Variants in ST6GALNAC3 observed in about 807,000 individuals in gnomAD.
The protein encoded by ST6GALNAC3 is ST6 N-acetylgalactosaminide alpha-2,6-sialyltransferase 3.
A neutral mutation model predicts 32.7 loss-of-function variants in ST6GALNAC3; 25 were observed. The observed-to-expected ratio is 0.76, with a 90% CI of 0.56 to 1.07. The LOEUF is 1.07. Among genes scored for constraint, ST6GALNAC3 ranks in the 50% least tolerant of loss-of-function variants. ST6GALNAC3 has a pLI of 0.00. For synonymous variants in ST6GALNAC3, 129 were observed against 133.1 expected (o/e 0.97, Z 0.21); for missense variants, 355 against 382.4 (o/e 0.93, Z 0.60).
chr1:76,578,114 G>T (rs890748318), intron 3 of ST6GALNAC3, among the ~76,000 whole-genome samples: 1 of 152,026 alleles, frequency 6.6e-6, no homozygotes, highest in African/African-American at 2.4e-5. Context: ...GTGGAAATTA[G>T]AATATCCATT....
At chr1:76,513,350 A>T (rs114284926) in intron 3 of ST6GALNAC3, among the ~76,000 whole-genome samples, 4,275 of 152,152 alleles carry the variant, frequency 0.028, 96 homozygotes, top group Admixed American at 0.068. Context: ...CTGCTCGTGG[A>T]TATCCTATTT....
At chr1:76,119,881 G>A (rs1286135552) in intron 1 of ST6GALNAC3, among the ~76,000 whole-genome samples, 2 of 115,472 alleles carry the variant, frequency 1.7e-5, no homozygotes, top group African/African-American at 6.4e-5. Context: ...CAGGTCCGTG[G>A]GACTGTAAAG....
intron 1 of ST6GALNAC3, among the ~76,000 whole-genome samples, chr1:76,153,633 T>A (rs764577679): frequency 6.6e-6 from 1 of 152,158 alleles, no homozygotes; most frequent in Non-Finnish European, 1.5e-5. Context: ...TCACCTCAGA[T>A]TTTTCTGTGT....
At chr1:76,101,778 A>G (rs1055008590) in intron 1 of ST6GALNAC3, among the ~76,000 whole-genome samples, 3 of 152,090 alleles carry the variant, frequency 2.0e-5, no homozygotes, top group Admixed American at 6.6e-5. Flanking sequence ...TCTAATTTCT[A>G]CCAGGGATTT....
At chr1:76,258,654 C>A (rs535038751) in intron 1 of ST6GALNAC3, among the ~76,000 whole-genome samples, 2 of 152,166 alleles carry the variant, frequency 1.3e-5, no homozygotes, top group Admixed American at 1.3e-4. Context: ...CTTTTGAGTT[C>A]CTACTATATA....
intron 1 of ST6GALNAC3, among the ~76,000 whole-genome samples, chr1:76,258,921 T>C (rs1024431561): frequency 3.3e-5 from 5 of 152,188 alleles, no homozygotes; most frequent in African/African-American, 1.2e-4. Flanking sequence ...ACATTTACAT[T>C]GTCCAAAATT....
chr1:76,439,173 TA>T (rs1340489404), intron 3 of ST6GALNAC3, among the ~76,000 whole-genome samples: 1 of 152,204 alleles, frequency 6.6e-6, no homozygotes, highest in African/African-American at 2.4e-5. Context: ...ACTCTCTACC[TA>T]AACTGTTGTC....
At chr1:76,172,345 A>G (rs1652572651) in intron 1 of ST6GALNAC3, among the ~76,000 whole-genome samples, 1 of 152,196 alleles carries the variant, frequency 6.6e-6, no homozygotes, top group Admixed American at 6.5e-5. Context: ...TCTCAAAATA[A>G]TAAGAGCTAT....
At chr1:76,124,773 T>A (rs1253147669) in intron 1 of ST6GALNAC3, among the ~76,000 whole-genome samples, 1 of 152,166 alleles carries the variant, frequency 6.6e-6, no homozygotes, top group Non-Finnish European at 1.5e-5. Flanking sequence ...ATTGTTGAAA[T>A]AAAACTTGGG....
chr1:76,609,459 A>G (rs907391227), intron 3 of ST6GALNAC3, among the ~76,000 whole-genome samples: 2 of 152,146 alleles, frequency 1.3e-5, no homozygotes, highest in Non-Finnish European at 2.9e-5. Context: ...TGGAGTGGAT[A>G]TTGCATTTTG....
intron 3 of ST6GALNAC3, among the ~76,000 whole-genome samples, chr1:76,585,862 A>G (rs1186532687): frequency 1.3e-5 from 2 of 152,136 alleles, no homozygotes; most frequent in African/African-American, 4.8e-5. Context: ...TATGCATCTC[A>G]AAGTCTGTGG....
chr1:76,083,073 C>G (rs1144343), intron 1 of ST6GALNAC3, among the ~76,000 whole-genome samples: 91,416 of 152,054 alleles, frequency 0.6, 28,086 homozygotes, highest in Middle Eastern at 0.7. Flanking sequence ...GCATTTACTA[C>G]ACACGAAGTA....
At chr1:76,609,041 T>G (rs1647750243) in intron 3 of ST6GALNAC3, among the ~76,000 whole-genome samples, 2 of 152,268 alleles carry the variant, frequency 1.3e-5, no homozygotes, top group South Asian at 2.1e-4. Context: ...TAAGAGAAAA[T>G]TATTAGTTTT....
chr1:76,447,518 G>A (rs1393514481), intron 3 of ST6GALNAC3, among the ~76,000 whole-genome samples: 1 of 152,152 alleles, frequency 6.6e-6, no homozygotes, highest in Non-Finnish European at 1.5e-5. Flanking sequence ...CCAAGACAAT[G>A]GGAAAATGTC....
In ST6GALNAC3 at chr1:76,262,636, G is replaced by A. The variant is rs140290088; in HGVS notation, c.19-51169G>A. On this transcript the variant is annotated intron_variant, in intron 1 of 4. Coordinates refer to ENST00000328299, the MANE Select transcript of ST6GALNAC3 (RefSeq NM_152996.4). ...GGAGGAAAGCAGCTAAGAAGCTATTGTAGTCGTTAGACATTGAAGTAAGGA... is the reference window on the plus strand; with the variant it reads ...GGAGGAAAGCAGCTAAGAAGCTATTATAGTCGTTAGACATTGAAGTAAGGA... Among the ~76,000 whole-genome samples, 461 of 152,296 alleles carry A rather than the reference G, an allele frequency of 3.0e-3. 6 individuals carry two copies. The highest frequency in any genetic ancestry group is 0.024 in the Admixed American group (367 of 15,282).
chr1:76,457,024 T>C (rs375066481), intron 3 of ST6GALNAC3, among the ~76,000 whole-genome samples: 1 of 151,308 alleles, frequency 6.6e-6, no homozygotes, highest in Non-Finnish European at 1.5e-5. Context: ...ACAAAATCAA[T>C]GTACAAAAAT....
intron 1 of ST6GALNAC3, among the ~76,000 whole-genome samples, chr1:76,202,594 G>A (rs1484872894): frequency 6.6e-6 from 1 of 152,126 alleles, no homozygotes; most frequent in African/African-American, 2.4e-5. Flanking sequence ...AAGTAGAGAT[G>A]ATACTTAGAC....
chr1:76,156,849 A>G (rs1466344976), intron 1 of ST6GALNAC3, among the ~76,000 whole-genome samples: 3 of 152,182 alleles, frequency 2.0e-5, no homozygotes, highest in African/African-American at 7.2e-5. Context: ...CTCCTGCCTC[A>G]GCCTCCCAAG....
intron 3 of ST6GALNAC3, among the ~76,000 whole-genome samples, chr1:76,496,348 G>T (rs927693963): frequency 6.6e-6 from 1 of 152,140 alleles, no homozygotes; most frequent in Non-Finnish European, 1.5e-5. Flanking sequence ...TCACAAAAGG[G>T]TATGGGGGAA....
Sources: gnomAD v4.1 joint callset for allele counts (sites outside exome capture counted in the v4.1 genomes callset) on GRCh38, gnomAD v4.1.1 for gene constraint, MANE v1.5 for transcripts, NCBI Gene and HGNC (gene_info 2026-07-23, HGNC 2026-07-21) for gene names.